CPEB4: variants seen among roughly 807,000 people sequenced by gnomAD.
The protein encoded by CPEB4 is cytoplasmic polyadenylation element-binding protein 4.
CPEB4 carries 12 observed loss-of-function variants against 72.5 expected under a neutral mutation model. The observed-to-expected ratio is 0.17, with a 90% CI of 0.11 to 0.27. The LOEUF is 0.27. Among genes scored for constraint, CPEB4 ranks in the 10% least tolerant of loss-of-function variants. The probability of loss-of-function intolerance (pLI) is 1.00; values close to 1 mark genes in which losing one functional copy is unlikely to be tolerated. For missense variants in CPEB4, 614 were observed against 908.5 expected (o/e 0.68, Z 4.17); for synonymous variants, 302 against 326.3 (o/e 0.93, Z 0.80).
intron 1 of CPEB4, among the ~76,000 whole-genome samples, chr5:173,906,540 T>G (rs1266610654): frequency 6.6e-6 from 1 of 152,186 alleles, no homozygotes; most frequent in African/African-American, 2.4e-5. Flanking sequence ...TAGACTAGGT[T>G]TGGCAAGAAT....
At chr5:173,951,961 C>T (rs1462171185) in intron 8 of CPEB4, 23 bp downstream of exon 8, 1 of 1,423,924 alleles carries the variant, frequency 7.0e-7, no homozygotes, top group Non-Finnish European at 9.9e-7. Context: ...AAACGACAAA[C>T]TCTCTACCCT....
intron 1 of CPEB4, among the ~76,000 whole-genome samples, chr5:173,902,536 C>T (rs1400546068): frequency 6.6e-6 from 1 of 152,066 alleles, no homozygotes; most frequent in Non-Finnish European, 1.5e-5. Context: ...TAGATGAGAA[C>T]ATTTAAACTC....
chr5:173,913,147 C>T (rs1756727973), intron 2 of CPEB4, among the ~76,000 whole-genome samples: 1 of 150,962 alleles, frequency 6.6e-6, no homozygotes. Flanking sequence ...TTTTAAGAAG[C>T]AAGCCTCTAA....
rs751057788 is a variant in CPEB4 at position 173,951,872 on chromosome 5, G to A, written c.1714G>A (p.Gly572Ser). 1 of 1,613,882 alleles carries A rather than the reference G, an allele frequency of 6.2e-7. No individual in the cohort carries two copies. Among genetic ancestry groups the A allele is most frequent in the Non-Finnish European group, 8.5e-7 (1 of 1,179,850 alleles). The change falls in exon 8 of 10, where the codon GGT becomes AGT. Residue 572 changes from glycine to serine, a missense_variant. By Grantham distance (56) the Gly-to-Ser change is moderately conservative. This residue lies in a region of CPEB4 where 101 missense variants were observed against 243.1 expected (regional missense o/e 0.42). Coordinates refer to ENST00000265085, the MANE Select transcript of CPEB4 (RefSeq NM_030627.4). ...NLSDSDFVMD[G>S]SQPLDPRKTI... ...CAGTGACAGTGACTTTGTGATGGAT[G>A]GTTCACAGCCACTTGACCCACGAAA...
intron 1 of CPEB4, among the ~76,000 whole-genome samples, chr5:173,903,598 C>G (rs185853445): frequency 6.6e-6 from 1 of 152,206 alleles, no homozygotes; most frequent in Non-Finnish European, 1.5e-5. Flanking sequence ...CTGACGTACT[C>G]TCAAGTATGA....
chr5:173,952,793 C>T (rs1399754892), intron 8 of CPEB4, among the ~76,000 whole-genome samples: 1 of 152,126 alleles, frequency 6.6e-6, no homozygotes, highest in African/African-American at 2.4e-5. Context: ...TGACCTGTGA[C>T]CTTGGACAGA....
chr5:173,893,477 C>T (rs1325496343), intron 1 of CPEB4, among the ~76,000 whole-genome samples: 1 of 151,980 alleles, frequency 6.6e-6, no homozygotes, highest in African/African-American at 2.4e-5. Flanking sequence ...ATAACTTAAA[C>T]ACTATTAATT....
intron 3 of CPEB4, among the ~76,000 whole-genome samples, chr5:173,934,464 A>G (rs1188847179): frequency 1.3e-5 from 2 of 152,170 alleles, no homozygotes; most frequent in African/African-American, 2.4e-5. Context: ...GATAAAGGAC[A>G]AAGAGAGATG....
chr5:173,956,016 T>C lies in CPEB4; in HGVS notation c.2069T>C (p.Leu690Pro). The change falls in exon 10 of 10, where the codon CTG becomes CCG. Residue 690 changes from leucine (L) to proline (P), a missense_variant. Leu to Pro is a moderately conservative substitution (Grantham distance 98, BLOSUM62 -3). Around this residue, in one of 5 missense-constraint regions of CPEB4, gnomAD observed 101 missense variants for 243.1 expected, o/e 0.42. Transcript: ENST00000265085. ...APFFCANVTC[L>P]QYYCEYCWAA... Reference sequence around the variant, plus strand: ...TTTTTCTGTGCTAATGTTACCTGTCTGCAGTATTACTGTGAATATTGCTGG... The same window carrying C: ...TTTTTCTGTGCTAATGTTACCTGTCCGCAGTATTACTGTGAATATTGCTGG... 6.2e-7 allele frequency: 1 copy of C among 1,614,138 alleles called. No individual in the cohort carries two copies. The highest frequency in any genetic ancestry group is 8.5e-7 in the Non-Finnish European group (1 of 1,179,974).
At chr5:173,929,799 AAAT>A (rs1470208609) in intron 2 of CPEB4, among the ~76,000 whole-genome samples, 1 of 152,208 alleles carries the variant, frequency 6.6e-6, no homozygotes, top group African/African-American at 2.4e-5. Context: ...TGTTAGCATT[AAAT>A]AATTAGAATA....
At chr5:173,943,187 GT>G (rs1339117880) in intron 4 of CPEB4, 138 bp downstream of exon 4, 1 of 790,086 alleles carries the variant, frequency 1.3e-6, no homozygotes, top group Admixed American at 2.9e-5. Context: ...TTGTGTTACA[GT>G]TAACATTTTA....
chr5:173,920,293 G>A (rs1226772922), intron 2 of CPEB4, among the ~76,000 whole-genome samples: 7 of 152,230 alleles, frequency 4.6e-5, no homozygotes, highest in Non-Finnish European at 8.8e-5. Context: ...TTGGAAAAGA[G>A]AAGGAGGAAT....
At chr5:173,928,278 A>C (rs1245128168) in intron 2 of CPEB4, among the ~76,000 whole-genome samples, 3 of 152,204 alleles carry the variant, frequency 2.0e-5, no homozygotes, top group Non-Finnish European at 4.4e-5. Flanking sequence ...ACCCTAATGT[A>C]AACTGTGAAC....
intron 1 of CPEB4, among the ~76,000 whole-genome samples, chr5:173,894,498 G>A (rs1755930614): frequency 6.6e-6 from 1 of 151,476 alleles, no homozygotes. Context: ...GTGGGTGCCT[G>A]TAATCCCAGC....
chr5:173,945,797 G>A (rs762628055), intron 5 of CPEB4, among the ~76,000 whole-genome samples: 26 of 152,186 alleles, frequency 1.7e-4, no homozygotes, highest in Non-Finnish European at 3.7e-4. Flanking sequence ...GCCTCTTTGA[G>A]GAAGTGATAT....
intron 2 of CPEB4, among the ~76,000 whole-genome samples, chr5:173,923,442 A>G (rs775178896): frequency 1.3e-5 from 2 of 152,164 alleles, no homozygotes; most frequent in Non-Finnish European, 2.9e-5. Context: ...TAGAGATTTC[A>G]TAAGTTTATC....
chr5:173,936,814 CT>C (rs57420146), intron 3 of CPEB4, among the ~76,000 whole-genome samples: 51,666 of 142,374 alleles, frequency 0.36, 9,355 homozygotes, highest in South Asian at 0.49. Context: ...GTGCATTATA[CT>C]TTTTTTTTTT....
At position 173,946,100 on chromosome 5, in the gene CPEB4, G is replaced by T. The variant is rs75722313; in HGVS notation, c.1456+960G>T. On this transcript the variant is annotated intron_variant, in intron 5 of 9. Coordinates refer to ENST00000265085, the MANE Select transcript of CPEB4 (RefSeq NM_030627.4). ...TTTAGATTGGGATCAGACTTATCAAGTCACTTCATTTTCTTCAAGATGATT... is the reference window on the plus strand; with the variant it reads ...TTTAGATTGGGATCAGACTTATCAATTCACTTCATTTTCTTCAAGATGATT... Among the ~76,000 whole-genome samples, 1,291 of 152,308 alleles carry T rather than the reference G, an allele frequency of 8.5e-3. 18 individuals are homozygous for T. Among genetic ancestry groups the T allele is most frequent in the African/African-American group, 0.03 (1,236 of 41,574 alleles).
intron 2 of CPEB4, among the ~76,000 whole-genome samples, chr5:173,912,778 TA>T (rs879274759): frequency 2.0e-3 from 275 of 139,052 alleles, no homozygotes; most frequent in Middle Eastern, 7.2e-3. Flanking sequence ...TACAAACATT[TA>T]AAAAAAAAAA....
Sources: gnomAD v4.1 joint callset for allele counts (sites outside exome capture counted in the v4.1 genomes callset) on GRCh38, gnomAD v4.1.1 for gene constraint, gnomAD v4.1.1 regional missense constraint, MANE v1.5 for transcripts, NCBI Gene and HGNC (gene_info 2026-07-23, HGNC 2026-07-21) for gene names.